SERPINI2: variants seen among roughly 807,000 people sequenced by gnomAD.
SERPINI2 encodes the protein serpin family I member 2.
Under a neutral mutation model 47.3 loss-of-function variants are expected in SERPINI2, and 48 were observed. The ratio of observed to expected loss-of-function variants is 1.02; its 90% CI spans 0.81 to 1.29. The LOEUF is 1.29. SERPINI2 is among the 50% of genes most tolerant of loss of function. The pLI is 0.00. For synonymous variants in SERPINI2, 135 were observed against 149.3 expected (o/e 0.90, Z 0.70); for missense variants, 448 against 456.9 (o/e 0.98, Z 0.18).
At chr3:167,467,318 T>C (rs1340373393) in intron 2 of SERPINI2, 33 bp from the exon 3 acceptor site, 5 of 1,469,378 alleles carry the variant, frequency 3.4e-6, no homozygotes, top group Non-Finnish European at 3.7e-6. Flanking sequence ...ATTGGCATAT[T>C]GAACAACATA....
At chr3:167,454,460 T>C (rs1472836693) in intron 5 of SERPINI2, among the ~76,000 whole-genome samples, 2 of 152,176 alleles carry the variant, frequency 1.3e-5, no homozygotes, top group African/African-American at 4.8e-5. Context: ...AGAAAGATAA[T>C]ATGCAGCATG....
intron 1 of SERPINI2, 101 bp downstream of exon 1, chr3:167,473,902 C>A: frequency 8.5e-7 from 1 of 1,171,052 alleles, no homozygotes; most frequent in Non-Finnish European, 1.1e-6. Context: ...ATTTTTACAC[C>A]AAAGTAAATT....
At chr3:167,473,809 C>T in intron 1 of SERPINI2, 194 bp downstream of exon 1, 2 of 1,418,554 alleles carry the variant, frequency 1.4e-6, no homozygotes, top group South Asian at 1.6e-5. Flanking sequence ...GATGAATAGT[C>T]CTATAAGAAC....
At chr3:167,442,004 A>G (rs1476680787) in exon 9 of SERPINI2, 6 of 815,836 alleles carry the variant, frequency 7.4e-6, no homozygotes, top group Non-Finnish European at 1.1e-5. Flanking sequence ...ACAGTTTAAA[A>G]CAGAAAAGAC....
intron 5 of SERPINI2, among the ~76,000 whole-genome samples, chr3:167,455,870 C>T (rs1344547765): frequency 6.6e-6 from 1 of 152,110 alleles, no homozygotes; most frequent in South Asian, 2.1e-4. Context: ...CGTGAGAACT[C>T]TACGATGAGC....
chr3:167,450,355 G>C (rs1309847357), intron 6 of SERPINI2, among the ~76,000 whole-genome samples: 1 of 152,082 alleles, frequency 6.6e-6, no homozygotes, highest in African/African-American at 2.4e-5. Context: ...ATGTATATGT[G>C]AAGCGTTTCT....
At chr3:167,471,923 G>A in intron 1 of SERPINI2, 79 bp from the exon 2 acceptor site, 1 of 1,044,370 alleles carries the variant, frequency 9.6e-7, no homozygotes, top group Non-Finnish European at 1.4e-6. Context: ...CTTTCTACCT[G>A]TTGTAGCTTT....
In SERPINI2 at chr3:167,467,323, A is replaced by G. The variant is rs145083078; in HGVS notation, c.248-38T>C. ...TTTAATGTATATTGGCATATTGAAC[A>G]ACATAAAAACAACAGCTTTTCAGCT... is the stretch of plus-strand genomic sequence containing the variant. On this transcript the variant is annotated intron_variant, in intron 2 of 8. Coordinates refer to ENST00000264677, the Ensembl canonical transcript of SERPINI2. The G allele has an allele frequency of 9.1e-3, 13,063 of 1,430,654 alleles. 142 individuals are homozygous for G. Among genetic ancestry groups the G allele is most frequent in the South Asian group, 0.031 (2,511 of 81,048 alleles). 88.6% of individuals were successfully genotyped at this position (1,430,654 alleles called of 1,614,324 possible). A position where few individuals can be genotyped will look rare whatever the true frequency, so the allele number is the denominator to read the frequency against.
At chr3:167,455,034 C>A (rs1176126346) in intron 5 of SERPINI2, among the ~76,000 whole-genome samples, 1 of 152,166 alleles carries the variant, frequency 6.6e-6, no homozygotes, top group Non-Finnish European at 1.5e-5. Flanking sequence ...ACTTTCTAAT[C>A]AAAATGTAAT....
At chr3:167,456,234 A>G (rs1316378477) in intron 5 of SERPINI2, among the ~76,000 whole-genome samples, 1 of 151,794 alleles carries the variant, frequency 6.6e-6, no homozygotes, top group Non-Finnish European at 1.5e-5. Flanking sequence ...TGAATTTAAA[A>G]TACTTTCACA....
At chr3:167,457,950 G>A (rs2108161561) in intron 5 of SERPINI2, among the ~76,000 whole-genome samples, 1 of 152,276 alleles carries the variant, frequency 6.6e-6, no homozygotes, top group Non-Finnish European at 1.5e-5. Flanking sequence ...GAGGAAGAGG[G>A]AAATTTTTCA....
intron 5 of SERPINI2, among the ~76,000 whole-genome samples, chr3:167,457,569 G>A (rs970424287): frequency 1.3e-5 from 2 of 151,966 alleles, no homozygotes; most frequent in African/African-American, 4.8e-5. Flanking sequence ...GATCTTTTAG[G>A]CTTTAGTCTT....
chr3:167,464,969 T>C (rs1195654466), intron 5 of SERPINI2, among the ~76,000 whole-genome samples: 4 of 152,212 alleles, frequency 2.6e-5, no homozygotes, highest in Non-Finnish European at 5.9e-5. Context: ...TTAAGACATA[T>C]ACTTATCTTT....
intron 5 of SERPINI2, among the ~76,000 whole-genome samples, chr3:167,453,520 C>T (rs535945352): frequency 9.2e-5 from 14 of 152,102 alleles, no homozygotes; most frequent in Admixed American, 2.0e-4. Flanking sequence ...TCATTCATCT[C>T]GCCCATTGTC....
Position 167,473,987 on chromosome 3 carries a change from T to C in SERPINI2, c.-11+16A>G. On this transcript the variant is annotated intron_variant, in intron 1 of 8. Coordinates refer to ENST00000264677, the Ensembl canonical transcript of SERPINI2. ...TACATACTTATTCAAAAGCTATTTA[T>C]TTCTAAGGTACTTACCCCAAACTGA... 1 of 1,158,098 alleles carries C rather than the reference T, an allele frequency of 8.6e-7. No homozygotes were observed. The highest frequency in any genetic ancestry group is 1.6e-5 in the African/African-American group (1 of 62,484). 71.7% of individuals were successfully genotyped at this position (1,158,098 alleles called of 1,614,324 possible). A position where few individuals can be genotyped will look rare whatever the true frequency, so the allele number is the denominator to read the frequency against.
At chr3:167,443,275 T>G (rs935351296) in intron 8 of SERPINI2, among the ~76,000 whole-genome samples, 1 of 151,884 alleles carries the variant, frequency 6.6e-6, no homozygotes, top group African/African-American at 2.4e-5. Context: ...GCCTGGCTAA[T>G]TTTTTGTATT....
chr3:167,449,811 A>T (rs59893500), intron 6 of SERPINI2, among the ~76,000 whole-genome samples: 8,546 of 152,246 alleles, frequency 0.056, 751 homozygotes, highest in African/African-American at 0.19. Flanking sequence ...TTTTCAAATG[A>T]TCAAAGACAA....
At chr3:167,466,608 T>C (rs959616597) in intron 3 of SERPINI2, among the ~76,000 whole-genome samples, 2 of 152,184 alleles carry the variant, frequency 1.3e-5, no homozygotes, top group African/African-American at 4.8e-5. Context: ...TAGACTACCA[T>C]GTTTATGATA....
At chr3:167,461,547 ACGAGGG>A (rs951049191) in intron 5 of SERPINI2, among the ~76,000 whole-genome samples, 1 of 151,928 alleles carries the variant, frequency 6.6e-6, no homozygotes, top group African/African-American at 2.4e-5. Flanking sequence ...GTTTGAGATG[ACGAGGG>A]CGTAAGCTAT....
Sources: allele counts gnomAD v4.1 joint callset (sites outside exome capture counted in the v4.1 genomes callset), GRCh38; gene constraint gnomAD v4.1.1; transcripts MANE v1.5; gene names NCBI Gene and HGNC (gene_info 2026-07-23, HGNC 2026-07-21).